ZBTB11: variants seen among roughly 807,000 people sequenced by gnomAD.
ZBTB11 encodes the protein zinc finger and BTB domain containing 11.
A neutral mutation model predicts 113.1 loss-of-function variants in ZBTB11; 68 were observed. The ratio of observed to expected loss-of-function variants is 0.60; its 90% CI spans 0.49 to 0.74. The LOEUF is 0.74. Ranked by LOEUF, ZBTB11 falls within the 30% of genes least tolerant of loss-of-function variation. The pLI is 0.00. For synonymous variants in ZBTB11, 518 were observed against 452.6 expected (o/e 1.14, Z -1.83); for missense variants, 1,104 against 1,279.4 (o/e 0.86, Z 2.09).
chr3:101,664,157 T>C (rs947971100), intron 5 of ZBTB11, among the ~76,000 whole-genome samples: 2 of 152,194 alleles, frequency 1.3e-5, no homozygotes, highest in Admixed American at 6.5e-5. Flanking sequence ...GTTCTACAAT[T>C]CAATTTGGGT....
rs759962058 is a variant in ZBTB11, at chr3:101,665,366, A to C, written c.1221T>G (p.Pro407=). 1.7e-5 allele frequency: 28 copies of C among 1,614,098 alleles called. No homozygotes were observed. The highest frequency in any genetic ancestry group is 2.4e-5 in the Non-Finnish European group (28 of 1,180,044). The change falls in exon 4 of 11, where the codon CCT becomes CCG. Residue 407 remains proline, a synonymous_variant. Coordinates refer to ENST00000312938, the MANE Select transcript of ZBTB11 (RefSeq NM_014415.4). ...TTATTAAATCAACAGACTCCATTTC[A>C]GGATGGGAATCAGCTATACATCCTA... ...SSVGCIADSH[P]EMESVDLITK...
rs528148907 is a variant in ZBTB11 at position 101,667,256 on chromosome 3, T to C, written c.779-1448A>G. 4.9e-4 allele frequency among the ~76,000 whole-genome samples: 75 copies of C among 152,276 alleles called. 1 individual carries two copies. Among genetic ancestry groups the C allele is most frequent in the Middle Eastern group, 3.4e-3 (1 of 294 alleles). On this transcript the variant is annotated intron_variant, in intron 3 of 10. Coordinates refer to ENST00000312938, the MANE Select transcript of ZBTB11 (RefSeq NM_014415.4). ...GGTCTCCCCATGTTGTCTCAGCTGATCTTGACCTCCTGGCCTGAAGGGATA... is the reference window on the plus strand; with the variant it reads ...GGTCTCCCCATGTTGTCTCAGCTGACCTTGACCTCCTGGCCTGAAGGGATA...
At chr3:101,673,319 G>C (rs1042238279) in intron 1 of ZBTB11, among the ~76,000 whole-genome samples, 1 of 152,116 alleles carries the variant, frequency 6.6e-6, no homozygotes, top group Non-Finnish European at 1.5e-5. Context: ...GCAGAGCTAG[G>C]CCTCCAGAAG....
In ZBTB11 at chr3:101,665,817, A is replaced by T; in HGVS notation, c.779-9T>A. On this transcript the variant is annotated splice_polypyrimidine_tract_variant and intron_variant, in intron 3 of 10. Transcript: ENST00000312938. ...GCTGGCCTTACAAAAACCTGTATGA[A>T]TACAAAGAAGGTAAAGACAAAAAAG... is the stretch of plus-strand genomic sequence containing the variant. 10 of 1,566,004 alleles carry T rather than the reference A, an allele frequency of 6.4e-6. No individual in the cohort carries two copies. Among genetic ancestry groups the T allele is most frequent in the Non-Finnish European group, 8.6e-6 (10 of 1,161,440 alleles).
At chr3:101,661,261 T>C (rs1936882327) in intron 5 of ZBTB11, among the ~76,000 whole-genome samples, 1 of 151,406 alleles carries the variant, frequency 6.6e-6, no homozygotes, top group Admixed American at 6.6e-5. Context: ...AAAATCATTA[T>C]GTCCTGGGCT....
chr3:101,669,502 T>C (rs541235868), intron 3 of ZBTB11, among the ~76,000 whole-genome samples: 7 of 152,292 alleles, frequency 4.6e-5, no homozygotes, highest in African/African-American at 1.7e-4. Context: ...CAGGCAGACA[T>C]TTCATTTGCT....
Position 101,651,369 on chromosome 3 carries a change from C to T in ZBTB11, c.2959G>A (p.Val987Ile). The change falls in exon 11 of 11, where the codon GTA (valine) becomes ATA (isoleucine). Residue 987 changes from valine to isoleucine, a missense_variant. Val to Ile is a conservative substitution (Grantham distance 29, BLOSUM62 3). Coordinates refer to ENST00000312938, the MANE Select transcript of ZBTB11 (RefSeq NM_014415.4). ...GCTTCCATAGTTTCTCCTGTCACTA[C>T]CACAGTCTCAAGTTCTTGAGGACCA... ...SSGPQELETV[V>I]VTGETMEALE... 1 of 1,613,972 alleles carries T rather than the reference C, an allele frequency of 6.2e-7. No individual in the cohort carries two copies. Among genetic ancestry groups the T allele is most frequent in the Non-Finnish European group, 8.5e-7 (1 of 1,179,902 alleles).
chr3:101,671,106 G>A (rs773172856), intron 3 of ZBTB11, 24 bp downstream of exon 3: 35 of 1,585,392 alleles, frequency 2.2e-5, no homozygotes, highest in Non-Finnish European at 3.0e-5. Context: ...CAAACAAAAA[G>A]CAAGAGTAAT....
In ZBTB11 at chr3:101,651,153, T is replaced by C. The variant is rs767311653; in HGVS notation, c.*13A>G. The C allele has an allele frequency of 3.9e-6, 6 of 1,548,180 alleles. No individual in the cohort carries two copies. The highest frequency in any genetic ancestry group is 5.2e-6 in the Non-Finnish European group (6 of 1,151,066). On this transcript the variant is annotated 3_prime_UTR_variant, in exon 11 of 11. Transcript: ENST00000312938. ...ACAAGAGATGTCACTTCTTTTTATC[T>C]TCATTAACATACTCATTCTCCTCCT...
At chr3:101,652,442 C>G in intron 10 of ZBTB11, 54 bp downstream of exon 10, 1 of 1,548,834 alleles carries the variant, frequency 6.5e-7, no homozygotes, top group Admixed American at 1.9e-5. Flanking sequence ...GGGAGAATCA[C>G]TACTGGACTG....
At chr3:101,674,984 G>A (rs764319763) in intron 1 of ZBTB11, among the ~76,000 whole-genome samples, 16 of 152,296 alleles carry the variant, frequency 1.1e-4, no homozygotes, top group East Asian at 1.9e-4. Context: ...GAAAAGGGAG[G>A]ATCATCTGAG....
intron 1 of ZBTB11, among the ~76,000 whole-genome samples, chr3:101,674,711 T>A (rs1458507826): frequency 6.0e-5 from 8 of 132,802 alleles, no homozygotes; most frequent in East Asian, 2.2e-4. Context: ...AATAAATAAA[T>A]AAAATAAATA....
At chr3:101,671,782 A>T (rs1937090067) in intron 2 of ZBTB11, 196 bp downstream of exon 2, 1 of 608,666 alleles carries the variant, frequency 1.6e-6, no homozygotes, top group Non-Finnish European at 2.9e-6. Flanking sequence ...ACAGGTAATT[A>T]TTAAGTTCAT....
chr3:101,676,517 G>T (rs1243456888), intron 1 of ZBTB11, 88 bp downstream of exon 1: 14 of 1,334,938 alleles, frequency 1.0e-5, no homozygotes, highest in Non-Finnish European at 1.4e-5. Flanking sequence ...GAGACCCTCC[G>T]ACTCGTGGGT....
Position 101,676,945 on chromosome 3 carries a change from C to T in ZBTB11, c.-31G>A, listed in dbSNP as rs753241490. 6.5e-7 allele frequency: 1 copy of T among 1,531,352 alleles called. No homozygotes were observed. The highest frequency in any genetic ancestry group is 8.8e-7 in the Non-Finnish European group (1 of 1,136,904). The allele number at this position is 1,531,352 out of a possible 1,614,324, so 94.9% of individuals were successfully genotyped here. A position where few individuals can be genotyped will look rare whatever the true frequency, so the allele number is the denominator to read the frequency against. On this transcript the variant is annotated 5_prime_UTR_variant, in exon 1 of 11. Transcript: ENST00000312938. The stretch of plus-strand genomic sequence containing the variant: ...ACCGCGGCTCCCTGAGGGCGCCTGT[C>T]AGGGACAGGTGAGGAAAACGGCCCG...
chr3:101,665,263 A>G lies in ZBTB11; in HGVS notation c.1324T>C (p.Ser442Pro), dbSNP rs765688470. 1.4e-5 allele frequency: 23 copies of G among 1,614,172 alleles called. No individual in the cohort carries two copies. In the East Asian group the frequency reaches 2.2e-4, roughly 16 times the overall value. The change falls in exon 4 of 11, where the codon TCA becomes CCA. Residue 442 changes from serine (S) to proline (P), a missense_variant. By Grantham distance (74) the Ser-to-Pro change is moderately conservative. Around this residue, in one of 5 missense-constraint regions of ZBTB11, gnomAD observed 535 missense variants for 518.6 expected, o/e 1.03. Transcript: ENST00000312938. ...NTVSNIHPKL[S>P]KENVISSSPE... ...GAGCTACTAATTACATTCTCTTTTG[A>G]AAGTTTAGGGTGTATATTAGAAACT...
rs1397554380 is a variant in ZBTB11 at position 101,659,822 on chromosome 3, A to G, written c.2007T>C (p.His669=). The G allele has an allele frequency of 1.2e-6, 2 of 1,614,076 alleles. No individual in the cohort carries two copies. The highest frequency in any genetic ancestry group is 2.2e-5 in the East Asian group (1 of 44,894). The change falls in exon 6 of 11, where the codon CAT becomes CAC. Residue 669 remains histidine, a synonymous_variant. Transcript: ENST00000312938. The stretch of plus-strand genomic sequence containing the variant: ...GCTTTACACCTGTGTGCTTTAACAT[A>G]TGTATTCGGAGAGAATATAATTTAG... ...TLPKLYSLRI[H]MLKHTGVKPH...
intron 1 of ZBTB11, among the ~76,000 whole-genome samples, chr3:101,675,742 C>T (rs184521938): frequency 6.6e-6 from 1 of 152,316 alleles, no homozygotes; most frequent in African/African-American, 2.4e-5. Context: ...TACAATGCTA[C>T]ACAGTTCCCA....
intron 2 of ZBTB11, 154 bp downstream of exon 2, chr3:101,671,824 A>G: frequency 3.1e-6 from 2 of 636,282 alleles, no homozygotes; most frequent in Middle Eastern, 2.7e-4. Context: ...TTTATGATAA[A>G]TGAAGAGGCA....
Sources: allele counts gnomAD v4.1 joint callset (sites outside exome capture counted in the v4.1 genomes callset), GRCh38; gene constraint gnomAD v4.1.1; regional missense constraint gnomAD v4.1.1; transcripts MANE v1.5; gene names NCBI Gene and HGNC (gene_info 2026-07-23, HGNC 2026-07-21).